The following KCNN2 variants were observed in gnomAD, a reference collection of about 807,000 sequenced individuals.
KCNN2 encodes small conductance calcium-activated potassium channel protein 2.
Under a neutral mutation model 55.5 loss-of-function variants are expected in KCNN2, and 24 were observed. The observed-to-expected ratio is 0.43, with a 90% confidence interval of 0.31 to 0.61. The LOEUF (loss-of-function observed/expected upper bound fraction) is 0.61. Ranked by LOEUF, KCNN2 falls within the 20% of genes least tolerant of loss-of-function variation. The pLI is 0.08. For missense variants in KCNN2, 754 were observed against 853.6 expected (o/e 0.88, Z 1.45); for synonymous variants, 431 against 336.1 (o/e 1.28, Z -3.09).
intron 2 of KCNN2, among the ~76,000 whole-genome samples, chr5:114,353,705 C>A (rs887459100): frequency 2.0e-5 from 3 of 151,880 alleles, no homozygotes; most frequent in African/African-American, 7.2e-5. Context: ...GTTAACGTTA[C>A]TAAATATTTT....
intron 2 of KCNN2, among the ~76,000 whole-genome samples, chr5:114,328,240 T>C (rs1424631339): frequency 6.6e-6 from 1 of 152,194 alleles, no homozygotes; most frequent in Middle Eastern, 3.2e-3. Context: ...TGCTAGCTGC[T>C]GCTGAATCAT....
chr5:114,237,291 C>G (rs1310541345), intron 2 of KCNN2, among the ~76,000 whole-genome samples: 4 of 142,030 alleles, frequency 2.8e-5, no homozygotes, highest in Non-Finnish European at 6.3e-5. Flanking sequence ...CACACACACA[C>G]TCACACACAC....
chr5:114,239,558 C>G (rs1754576925), intron 2 of KCNN2, among the ~76,000 whole-genome samples: 1 of 152,186 alleles, frequency 6.6e-6, no homozygotes, highest in Non-Finnish European at 1.5e-5. Flanking sequence ...TTGATTCACC[C>G]TATCTTTATC....
intron 1 of KCNN2, among the ~76,000 whole-genome samples, chr5:114,186,671 G>T (rs1457034343): frequency 6.6e-6 from 1 of 152,132 alleles, no homozygotes; most frequent in African/African-American, 2.4e-5. Context: ...GACAGCATAA[G>T]TGAAATGGAC....
intron 2 of KCNN2, among the ~76,000 whole-genome samples, chr5:114,384,605 A>G (rs973809917): frequency 6.6e-6 from 1 of 152,176 alleles, no homozygotes; most frequent in African/African-American, 2.4e-5. Flanking sequence ...TATTCGACCA[A>G]ATTAAGTGGC....
At chr5:114,370,654 G>C (rs994141586) in intron 2 of KCNN2, among the ~76,000 whole-genome samples, 1 of 152,048 alleles carries the variant, frequency 6.6e-6, no homozygotes, top group African/African-American at 2.4e-5. Flanking sequence ...CTACCTGTGT[G>C]AAGGCCTTAT....
chr5:114,274,635 TTGTC>T (rs1181003859), intron 2 of KCNN2, among the ~76,000 whole-genome samples: 2 of 152,178 alleles, frequency 1.3e-5, no homozygotes, highest in African/African-American at 2.4e-5. Context: ...GGCTCTCTGT[TTGTC>T]TGTTATTGGT....
intron 1 of KCNN2, among the ~76,000 whole-genome samples, chr5:114,074,708 T>C (rs1216988105): frequency 6.6e-6 from 1 of 152,128 alleles, no homozygotes; most frequent in Non-Finnish European, 1.5e-5. Context: ...TGACTTAGAA[T>C]TTTTTCCAAC....
intron 2 of KCNN2, among the ~76,000 whole-genome samples, chr5:114,277,220 G>A (rs964628091): frequency 1.3e-5 from 2 of 152,270 alleles, no homozygotes; most frequent in East Asian, 3.9e-4. Flanking sequence ...TTAGTCTGAT[G>A]GGCTTTCCTT....
intron 2 of KCNN2, among the ~76,000 whole-genome samples, chr5:114,268,896 G>T (rs1303776469): frequency 6.6e-6 from 1 of 151,852 alleles, no homozygotes; most frequent in South Asian, 2.1e-4. Flanking sequence ...CAAAACAAGA[G>T]AGACAAGTCA....
At chr5:114,392,599 A>G (rs892380626) in intron 2 of KCNN2, among the ~76,000 whole-genome samples, 4 of 151,858 alleles carry the variant, frequency 2.6e-5, no homozygotes, top group South Asian at 2.1e-4. Flanking sequence ...TAGCTTTTCA[A>G]TTTTTTCCCT....
chr5:114,294,353 C>G (rs960831876), intron 2 of KCNN2, among the ~76,000 whole-genome samples: 3 of 152,088 alleles, frequency 2.0e-5, no homozygotes, highest in African/African-American at 7.2e-5. Context: ...TCCCTCTACA[C>G]ACTGCTTTGA....
chr5:114,198,871 T>C lies in KCNN2; in HGVS notation c.-270-22609T>C, dbSNP rs148601070. On this transcript the variant is annotated intron_variant, in intron 1 of 10. Coordinates refer to the KCNN2 transcript ENST00000512097. The stretch of plus-strand genomic sequence containing the variant: ...ACGTGTGGTCTGTCTTGAAAAATGT[T>C]CCATGTGCTTATGAAAACAGTGCAT... Among the ~76,000 whole-genome samples the C allele has an allele frequency of 2.3e-3, 350 of 152,240 alleles. 2 individuals carry two copies. Among genetic ancestry groups the C allele is most frequent in the Admixed American group, 3.7e-3 (56 of 15,296 alleles).
At chr5:114,138,438 A>G (rs1413174073) in intron 1 of KCNN2, among the ~76,000 whole-genome samples, 2 of 152,144 alleles carry the variant, frequency 1.3e-5, no homozygotes, top group Non-Finnish European at 2.9e-5. Flanking sequence ...TGTACTTGAC[A>G]TTTCATCTGC....
Position 114,241,823 on chromosome 5 carries a change from T to G in KCNN2, c.-185+20258T>G, listed in dbSNP as rs1319851571. ...ATATATACGTATATATATATATGTG[T>G]GTATATATATATATATATATATGGA... On this transcript the variant is annotated intron_variant, in intron 2 of 10. Coordinates refer to the KCNN2 transcript ENST00000512097. Among the ~76,000 whole-genome samples, 3 of 12,330 alleles carry G rather than the reference T, an allele frequency of 2.4e-4. 1 individual carries two copies. Among genetic ancestry groups the G allele is most frequent in the African/African-American group, 3.1e-4 (2 of 6,372 alleles). The allele number at this position is 12,330 out of a possible 152,430, so 8.1% of individuals were successfully genotyped here.
chr5:114,154,899 T>C (rs1035106730), intron 1 of KCNN2, among the ~76,000 whole-genome samples: 5 of 152,158 alleles, frequency 3.3e-5, no homozygotes, highest in Non-Finnish European at 5.9e-5. Flanking sequence ...TTAACTTTTA[T>C]TTTAAGTTAG....
chr5:114,362,580 C>G lies in KCNN2; in HGVS notation c.441C>G (p.Ser147=), dbSNP rs1028623521. ...SALRQQYAQQ[S]AQQSASASQY... Reference sequence around the variant, plus strand: ...TCCGGCAGCAGTACGCGCAGCAGTCCGCGCAGCAGTCGGCGTCCGCCTCCC... The same window carrying G: ...TCCGGCAGCAGTACGCGCAGCAGTCGGCGCAGCAGTCGGCGTCCGCCTCCC... Residue 147 remains serine, a synonymous_variant, in exon 1 of 8, where the codon TCC becomes TCG. Transcript: ENST00000673685. The G allele has an allele frequency of 2.0e-5, 14 of 700,540 alleles. No individual in the cohort carries two copies. Among genetic ancestry groups the G allele is most frequent in the Middle Eastern group, 4.1e-4 (1 of 2,464 alleles). The allele number at this position is 700,540 out of a possible 1,614,324, so 43.4% of individuals were successfully genotyped here.
chr5:114,115,546 A>T (rs2112589107), intron 1 of KCNN2, among the ~76,000 whole-genome samples: 1 of 152,250 alleles, frequency 6.6e-6, no homozygotes, highest in South Asian at 2.1e-4. Context: ...GCCAGTGATG[A>T]TAGGGAAATG....
chr5:114,202,216 C>G (rs1308632235), intron 1 of KCNN2, among the ~76,000 whole-genome samples: 5 of 151,966 alleles, frequency 3.3e-5, no homozygotes, highest in Non-Finnish European at 7.4e-5. Context: ...GGTTCCCTTT[C>G]TGGAGCAACA....
Sources: gnomAD v4.1 joint callset for allele counts (sites outside exome capture counted in the v4.1 genomes callset) on GRCh38, gnomAD v4.1.1 for gene constraint, MANE v1.5 for transcripts, NCBI Gene and HGNC (gene_info 2026-07-23, HGNC 2026-07-21) for gene names.